NVL: variants seen among roughly 807,000 people sequenced by gnomAD.
NVL encodes nuclear valosin-containing protein-like.
Under a neutral mutation model 110.2 loss-of-function variants are expected in NVL, and 84 were observed. The observed-to-expected ratio is 0.76, with a 90% CI of 0.64 to 0.91. The LOEUF is 0.91. Among genes scored for constraint, NVL ranks in the 40% least tolerant of loss-of-function variants. The pLI, the probability that NVL is intolerant of heterozygous loss-of-function variation, is 0.00. For missense variants in NVL, 882 were observed against 1,035.9 expected, an observed-to-expected ratio of 0.85 and a Z score of 2.04; for synonymous variants, 354 against 361.1, an observed-to-expected ratio of 0.98 and a Z score of 0.22.
chr1:224,291,125 T>TTCAGAGGGCTG (rs1253612068), intron 12 of NVL, among the ~76,000 whole-genome samples: 1 of 152,264 alleles, frequency 6.6e-6, no homozygotes, highest in Non-Finnish European at 1.5e-5. Context: ...GTAGCACTTA[T>TTCAGAGGGCTG]TCAGAGGGCT....
intron 11 of NVL, among the ~76,000 whole-genome samples, chr1:224,295,359 AT>A (rs1038626343): frequency 1.6e-4 from 24 of 151,708 alleles, no homozygotes; most frequent in African/African-American, 5.8e-4. Flanking sequence ...CGCCCGGCTA[AT>A]TTTTTTATTT....
intron 4 of NVL, among the ~76,000 whole-genome samples, chr1:224,313,421 A>C (rs1345052390): frequency 2.6e-5 from 4 of 152,160 alleles, no homozygotes; most frequent in Non-Finnish European, 5.9e-5. Flanking sequence ...TAAGCATATC[A>C]GCATAAAACA....
At chr1:224,267,429 T>C (rs1486913070) in intron 18 of NVL, among the ~76,000 whole-genome samples, 1 of 152,126 alleles carries the variant, frequency 6.6e-6, no homozygotes, top group Non-Finnish European at 1.5e-5. Context: ...GGCTCACGTC[T>C]GTAATCCTAG....
chr1:224,299,720 C>T (rs1436808727), intron 10 of NVL, among the ~76,000 whole-genome samples: 1 of 152,252 alleles, frequency 6.6e-6, no homozygotes, highest in East Asian at 1.9e-4. Context: ...TTGCTCTGCA[C>T]TCTGCCCTTT....
At chr1:224,278,252 G>A (rs1230539246) in intron 16 of NVL, among the ~76,000 whole-genome samples, 5 of 120,630 alleles carry the variant, frequency 4.1e-5, no homozygotes, top group Non-Finnish European at 8.2e-5. Flanking sequence ...TTTTTTTTGA[G>A]GCGGAGTCTC....
chr1:224,279,349 G>A (rs567147171), intron 16 of NVL, among the ~76,000 whole-genome samples: 1 of 152,210 alleles, frequency 6.6e-6, no homozygotes, highest in South Asian at 2.1e-4. Context: ...GAGATAGGAG[G>A]ATCACCTGAG....
chr1:224,310,820 TC>T lies in NVL; in HGVS notation c.342+979del, dbSNP rs368381668. ...ATCATAGCTCACCGCAGCCTCAAACTCCTGGGCTCAAGCGATCCTCCAGCCT... is the reference window on the plus strand; with the variant it reads ...ATCATAGCTCACCGCAGCCTCAAACTCTGGGCTCAAGCGATCCTCCAGCCT... On this transcript the variant is annotated intron_variant, in intron 5 of 22. Transcript: ENST00000281701. Among the ~76,000 whole-genome samples the T allele has an allele frequency of 3.6e-3, 542 of 152,012 alleles. 3 individuals are homozygous for T. The highest frequency in any genetic ancestry group is 0.011 in the African/African-American group (473 of 41,444).
intron 15 of NVL, among the ~76,000 whole-genome samples, chr1:224,284,782 G>T (rs946626888): frequency 5.9e-5 from 9 of 152,116 alleles, no homozygotes; most frequent in African/African-American, 2.2e-4. Context: ...GCCATCACTA[G>T]TTTAAGGTGT....
chr1:224,267,475 G>C (rs1355839684), intron 18 of NVL, among the ~76,000 whole-genome samples: 1 of 152,002 alleles, frequency 6.6e-6, no homozygotes, highest in Non-Finnish European at 1.5e-5. Context: ...ATCACCTGAG[G>C]TCAGGAGTTC....
Position 224,272,951 on chromosome 1 carries a change from G to A in NVL, c.2082+2388C>T, listed in dbSNP as rs1347155061. Among the ~76,000 whole-genome samples the A allele has an allele frequency of 3.5e-3, 502 of 143,774 alleles. 4 individuals are homozygous for A. Among genetic ancestry groups the A allele is most frequent in the African/African-American group, 0.012 (468 of 39,022 alleles). The allele number at this position is 143,774 out of a possible 152,430, so 94.3% of individuals were successfully genotyped here. On this transcript the variant is annotated intron_variant, in intron 17 of 22. Coordinates refer to ENST00000281701, the MANE Select transcript of NVL (RefSeq NM_002533.4). ...TGGGAGGCTGAGGCAGGAGAATGGC[G>A]TGAACCCGGGAGGCGGAGCTTGCAG...
At chr1:224,295,946 C>T (rs1188111152) in intron 11 of NVL, among the ~76,000 whole-genome samples, 1 of 115,064 alleles carries the variant, frequency 8.7e-6, no homozygotes, top group Non-Finnish European at 1.6e-5. Context: ...GCCTAGGCAA[C>T]AGAGACTCTG....
intron 2 of NVL, among the ~76,000 whole-genome samples, chr1:224,323,734 G>A (rs185594888): frequency 3.5e-4 from 53 of 152,284 alleles, no homozygotes; most frequent in Non-Finnish European, 5.9e-4. Flanking sequence ...GCACAGGTCC[G>A]GCAGGTGGGG....
chr1:224,230,047 ATCT>A (rs570491558), intron 22 of NVL, among the ~76,000 whole-genome samples: 1 of 152,080 alleles, frequency 6.6e-6, no homozygotes, highest in Admixed American at 6.6e-5. Flanking sequence ...GCCCAGGCTG[ATCT>A]TGAACTCCTG....
chr1:224,308,979 A>T (rs1244483629), intron 5 of NVL, among the ~76,000 whole-genome samples: 2 of 146,332 alleles, frequency 1.4e-5, no homozygotes, highest in South Asian at 2.3e-4. Context: ...GAGAATGGCG[A>T]GAACCCGGGA....
intron 17 of NVL, 21 bp downstream of exon 17, chr1:224,275,318 C>T (rs201223642): frequency 5.0e-6 from 8 of 1,613,924 alleles, no homozygotes; most frequent in Middle Eastern, 1.6e-4. Context: ...AATCTGAAAA[C>T]CACTAGTCCA....
intron 18 of NVL, among the ~76,000 whole-genome samples, chr1:224,253,114 C>A (rs188437617): frequency 6.6e-6 from 1 of 151,760 alleles, no homozygotes; most frequent in Non-Finnish European, 1.5e-5. Context: ...GGGGCGATCT[C>A]GGCTCATTGC....
chr1:224,318,190 A>G (rs1027696990), intron 2 of NVL, among the ~76,000 whole-genome samples: 1 of 152,236 alleles, frequency 6.6e-6, no homozygotes, highest in African/African-American at 2.4e-5. Context: ...AATATGAAAG[A>G]AATAATGTAA....
intron 2 of NVL, among the ~76,000 whole-genome samples, chr1:224,319,084 G>A (rs1254793545): frequency 7.2e-6 from 1 of 139,352 alleles, no homozygotes; most frequent in Non-Finnish European, 1.5e-5. Flanking sequence ...GAACCCAGGA[G>A]GCGGAGGTTG....
rs558424559 is a variant in NVL, at chr1:224,243,954, C to T, written c.2289+6258G>A. The stretch of plus-strand genomic sequence containing the variant: ...GATTACAGGCGTGAGCCACCACACC[C>T]GGCCTTGTCACTCTTTTAAAGACTG... On this transcript the variant is annotated intron_variant, in intron 19 of 22. Coordinates refer to ENST00000281701, the MANE Select transcript of NVL (RefSeq NM_002533.4). 5.3e-5 allele frequency among the ~76,000 whole-genome samples: 8 copies of T among 152,026 alleles called. No homozygotes were observed. The East Asian group carries it at 9.7e-4, about 18-fold the overall frequency.
Sources: allele counts gnomAD v4.1 joint callset (sites outside exome capture counted in the v4.1 genomes callset), GRCh38; gene constraint gnomAD v4.1.1; transcripts MANE v1.5; gene names NCBI Gene and HGNC (gene_info 2026-07-23, HGNC 2026-07-21).